Variants in PCDHGA9 observed in about 807,000 individuals in gnomAD.
The protein encoded by PCDHGA9 is protocadherin gamma-A9.
PCDHGA9 carries 37 observed loss-of-function variants against 62.5 expected under a neutral mutation model. That is an observed-to-expected ratio of 0.59 (90% CI 0.46 to 0.78). PCDHGA9 has a LOEUF of 0.78. PCDHGA9 is among the 30% of genes least tolerant of loss of function. PCDHGA9 has a pLI of 0.00. For missense variants in PCDHGA9, 1,138 were observed against 1,166.2 expected (o/e 0.98, Z 0.35); for synonymous variants, 459 against 484.6 (o/e 0.95, Z 0.69).
At chr5:141,438,957 C>T (rs1292059651) in intron 1 of PCDHGA9, among the ~76,000 whole-genome samples, 1 of 152,026 alleles carries the variant, frequency 6.6e-6, no homozygotes, top group Non-Finnish European at 1.5e-5. Context: ...TGAGCCACCG[C>T]ACCCTGCCAA....
In PCDHGA9 at chr5:141,404,806, G is replaced by A. The variant is rs774487660; in HGVS notation, c.1854G>A (p.Ser618=). The A allele has an allele frequency of 1.8e-5, 29 of 1,613,874 alleles. No homozygotes were observed. The highest frequency in any genetic ancestry group is 1.3e-4 in the South Asian group (12 of 91,072). Residue 618 remains serine (S), a synonymous_variant, in exon 1 of 4, where the codon TCG becomes TCA. Coordinates refer to ENST00000573521, the MANE Select transcript of PCDHGA9 (RefSeq NM_018921.3). ...AGGCCAGTGAGCCAGGGCTCTTCTC[G>A]GTGGGGCTGCACACAGGTGAAGTGC... ...LFKASEPGLF[S]VGLHTGEVRT... is the part of the protein sequence containing the mutation.
At position 141,494,788 on chromosome 5, in the gene PCDHGA9, C is replaced by T. The variant is rs2099756942; in HGVS notation, c.2425-19C>T. The T allele has an allele frequency of 6.2e-7, 1 of 1,614,116 alleles. No homozygotes were observed. The highest frequency in any genetic ancestry group is 8.5e-7 in the Non-Finnish European group (1 of 1,180,000). On this transcript the variant is annotated intron_variant, in intron 1 of 3. Transcript: ENST00000573521. ...CTTCTCACGGGTACTCAGCCCCTTTCCCTCTGTTTTCTCCACAGCAAGCCC... is the reference window on the plus strand; with the variant it reads ...CTTCTCACGGGTACTCAGCCCCTTTTCCTCTGTTTTCTCCACAGCAAGCCC...
Position 141,404,408 on chromosome 5 carries a change from A to C in PCDHGA9, c.1456A>C (p.Arg486=), listed in dbSNP as rs2154535328. Residue 486 remains arginine (R), a synonymous_variant, in exon 1 of 4, where the codon AGA becomes CGA. Transcript: ENST00000573521. ...TGACCCTGATAGCAATGAGAATTCT[A>C]GAGTTATTTACTCCTTGGCAGAGGA... ...AYDPDSNENS[R]VIYSLAEDTI... 1 of 1,613,900 alleles carries C rather than the reference A, an allele frequency of 6.2e-7. No individual in the cohort carries two copies. Among genetic ancestry groups the C allele is most frequent in the East Asian group, 2.2e-5 (1 of 44,886 alleles).
intron 1 of PCDHGA9, among the ~76,000 whole-genome samples, chr5:141,475,171 C>A (rs545499118): frequency 6.6e-6 from 1 of 152,164 alleles, no homozygotes; most frequent in African/African-American, 2.4e-5. Context: ...AGCAGTGCAA[C>A]TTCTTGTGGC....
chr5:141,456,835 C>T (rs1261094365), intron 1 of PCDHGA9, among the ~76,000 whole-genome samples: 3 of 152,000 alleles, frequency 2.0e-5, no homozygotes, highest in African/African-American at 4.8e-5. Flanking sequence ...TGGTAGTGGG[C>T]GCCTGTAATC....
intron 1 of PCDHGA9, chr5:141,441,653 G>T: frequency 4.1e-6 from 1 of 243,884 alleles, no homozygotes; most frequent in Non-Finnish European, 8.2e-6. Context: ...GATTCTAGGT[G>T]TCCTTGAGCG....
intron 1 of PCDHGA9, among the ~76,000 whole-genome samples, chr5:141,461,733 C>G (rs930217307): frequency 2.0e-5 from 3 of 152,168 alleles, no homozygotes; most frequent in African/African-American, 2.4e-5. Context: ...TGCAGTGGCA[C>G]AATCCCGGCT....
In PCDHGA9 at chr5:141,476,501, A is replaced by G; in HGVS notation, c.2425-18306A>G. 1.2e-6 allele frequency: 2 copies of G among 1,614,026 alleles called. No homozygotes were observed. Among genetic ancestry groups the G allele is most frequent in the Non-Finnish European group, 1.7e-6 (2 of 1,180,006 alleles). On this transcript the variant is annotated intron_variant, in intron 1 of 3. Coordinates refer to ENST00000573521, the MANE Select transcript of PCDHGA9 (RefSeq NM_018921.3). The surrounding 1 kb of genome is among the most constrained non-coding windows in gnomAD (Gnocchi z 7.6). ...CGTGGAAGTGGTGATCCAGGACATCAACGACAACAATCCTGCTTTCCCTAC... is the reference window on the plus strand; with the variant it reads ...CGTGGAAGTGGTGATCCAGGACATCGACGACAACAATCCTGCTTTCCCTAC...
intron 1 of PCDHGA9, chr5:141,419,364 C>T (rs1360235541): frequency 1.1e-5 from 18 of 1,613,690 alleles, no homozygotes; most frequent in Non-Finnish European, 1.3e-5. Flanking sequence ...CGAACGCTGT[C>T]GTCCTACGTG....
At chr5:141,466,556 T>C (rs1398776914) in intron 1 of PCDHGA9, among the ~76,000 whole-genome samples, 1 of 152,222 alleles carries the variant, frequency 6.6e-6, no homozygotes, top group Non-Finnish European at 1.5e-5. Context: ...TGCTGTGGGC[T>C]TCATCTTCAA....
intron 1 of PCDHGA9, chr5:141,407,897 A>T (rs1178644193): frequency 4.9e-6 from 2 of 405,126 alleles, no homozygotes; most frequent in African/African-American, 4.1e-5. Context: ...CCGAATTCAA[A>T]ATGAAAAACC....
intron 2 of PCDHGA9, among the ~76,000 whole-genome samples, chr5:141,505,092 G>A (rs965653546): frequency 5.9e-5 from 9 of 152,170 alleles, no homozygotes; most frequent in African/African-American, 2.2e-4. Flanking sequence ...AACCCAGGAG[G>A]TGGATGTTGC....
At chr5:141,467,939 A>G (rs2099154812) in intron 1 of PCDHGA9, among the ~76,000 whole-genome samples, 2 of 152,190 alleles carry the variant, frequency 1.3e-5, no homozygotes, top group Admixed American at 6.5e-5. Context: ...GATTACAAGC[A>G]TGAGCCACCA....
chr5:141,407,355 A>C (rs991392072), intron 1 of PCDHGA9, among the ~76,000 whole-genome samples: 8 of 152,198 alleles, frequency 5.3e-5, no homozygotes, highest in Non-Finnish European at 1.0e-4. Context: ...TTTGGGGAAA[A>C]CATAACAGAT....
intron 1 of PCDHGA9, chr5:141,424,778 T>G (rs1009835492): frequency 1.3e-5 from 2 of 152,166 alleles, no homozygotes; most frequent in African/African-American, 4.8e-5. Flanking sequence ...AATAGTACAT[T>G]CAGTTCTTTT....
At chr5:141,410,807 T>C in intron 1 of PCDHGA9, 1 of 647,592 alleles carries the variant, frequency 1.5e-6, no homozygotes, top group Non-Finnish European at 2.4e-6. Flanking sequence ...CTCTATCTTT[T>C]TGTAAAATAA....
At position 141,405,308 on chromosome 5, in the gene PCDHGA9, GA is replaced by G. The variant is rs776065617; in HGVS notation, c.2357del (p.Glu786GlyfsTer16). 15 of 1,614,096 alleles carry G rather than the reference GA, an allele frequency of 9.3e-6. No individual in the cohort carries two copies. The African/African-American group carries it at 1.9e-4, about 20-fold the overall frequency. On this transcript the variant is annotated frameshift_variant, in exon 1 of 4. Transcript: ENST00000573521. LOFTEE classifies it high-confidence loss of function. ...ADTLISQQSC[E>X]KNEPLCVSVD... is the part of the protein sequence containing the mutation. The stretch of plus-strand genomic sequence containing the variant: ...CACACTCATCAGCCAGCAGAGCTGT[GA>G]GAAAAATGAGCCTTTGTGCGTCTCT...
chr5:141,429,387 T>TTAA (rs775632416), intron 1 of PCDHGA9, among the ~76,000 whole-genome samples: 1 of 151,334 alleles, frequency 6.6e-6, no homozygotes, highest in Non-Finnish European at 1.5e-5. Flanking sequence ...GTTTTTTTTT[T>TTAA]AAAAAAAATT....
At chr5:141,448,662 C>T (rs1242351797) in intron 1 of PCDHGA9, among the ~76,000 whole-genome samples, 1 of 151,980 alleles carries the variant, frequency 6.6e-6, no homozygotes, top group Non-Finnish European at 1.5e-5. Flanking sequence ...CCATATTGGC[C>T]GGGCGCGGTG....
Sources: allele counts gnomAD v4.1 joint callset (sites outside exome capture counted in the v4.1 genomes callset), GRCh38; gene constraint gnomAD v4.1.1; non-coding constraint Gnocchi (gnomAD v3.1); transcripts MANE v1.5; gene names NCBI Gene and HGNC (gene_info 2026-07-23, HGNC 2026-07-21).